PPP2R2C: variants seen among roughly 807,000 people sequenced by gnomAD.
PPP2R2C encodes protein phosphatase 2 regulatory subunit Bgamma, also known as protein phosphatase 2, regulatory subunit B, gamma.
A neutral mutation model predicts 45.3 loss-of-function variants in PPP2R2C; 10 were observed. The observed-to-expected ratio is 0.22, with a 90% CI of 0.14 to 0.37. The LOEUF is 0.37. PPP2R2C is among the 10% of genes least tolerant of loss of function. The probability of loss-of-function intolerance (pLI) is 1.00; values close to 1 mark genes in which losing one functional copy is unlikely to be tolerated. For missense variants in PPP2R2C, 308 were observed against 619.7 expected (o/e 0.50, Z 5.34); for synonymous variants, 257 against 245.4 (o/e 1.05, Z -0.44).
Position 6,471,923 on chromosome 4 carries a change from G to C in PPP2R2C, c.70+237C>G, listed in dbSNP as rs1721909228. 6.6e-6 allele frequency among the ~76,000 whole-genome samples: 1 copy of C among 151,092 alleles called. No individual in the cohort carries two copies. The highest frequency in any genetic ancestry group is 1.5e-5 in the Non-Finnish European group (1 of 67,724). ...GCCTCCCGGAGGGCGGCGCGGAGGA[G>C]GGCGCTGCCCTGTGCCGGCGCTGGG... On this transcript the variant is annotated intron_variant, in intron 1 of 8. Transcript: ENST00000382599. This position sits in a 1 kb window ranked among gnomAD's most constrained non-coding sequence, Gnocchi z 5.6.
chr4:6,561,407 G>A lies in PPP2R2C; in HGVS notation c.-59+2153C>T, dbSNP rs909457450. On this transcript the variant is annotated intron_variant, in intron 1 of 9. Transcript: ENST00000506140. ...CTTTCCCCTACTTTTTGAACACAGG[G>A]CCCTGCATTTTCATTTTGCACTGAG... Among the ~76,000 whole-genome samples, 3 of 152,012 alleles carry A rather than the reference G, an allele frequency of 2.0e-5. No homozygotes were observed. The South Asian group carries it at 6.2e-4, about 32-fold the overall frequency.
At chr4:6,400,847 T>C (rs1162967763) in intron 1 of PPP2R2C, among the ~76,000 whole-genome samples, 1 of 152,232 alleles carries the variant, frequency 6.6e-6, no homozygotes, top group Non-Finnish European at 1.5e-5. Flanking sequence ...GCTTGCTGGC[T>C]GGCTCCTCAA....
At chr4:6,500,648 G>C (rs1272765407) in intron 2 of PPP2R2C, among the ~76,000 whole-genome samples, 1 of 152,222 alleles carries the variant, frequency 6.6e-6, no homozygotes. Context: ...GGTTGTGTGT[G>C]ACCAGGAAGG....
At position 6,469,386 on chromosome 4, in the gene PPP2R2C, G is replaced by A. The variant is rs569627058; in HGVS notation, c.70+2774C>T. 2.6e-5 allele frequency among the ~76,000 whole-genome samples: 4 copies of A among 152,342 alleles called. No homozygotes were observed. In the East Asian group the frequency reaches 5.8e-4, roughly 22 times the overall value. On this transcript the variant is annotated intron_variant, in intron 1 of 8. Transcript: ENST00000382599. The stretch of plus-strand genomic sequence containing the variant: ...GGTAGATCAGAGCAGCTGGGGTGTG[G>A]TGGGGGAGTGTAGACTCAACCACAG...
At chr4:6,533,970 C>A (rs910631051) in intron 2 of PPP2R2C, among the ~76,000 whole-genome samples, 1 of 151,460 alleles carries the variant, frequency 6.6e-6, no homozygotes, top group Non-Finnish European at 1.5e-5. Context: ...CACACACACA[C>A]CCCAATACAC....
At chr4:6,482,992 G>T (rs112723674) in intron 2 of PPP2R2C, among the ~76,000 whole-genome samples, 1 of 152,088 alleles carries the variant, frequency 6.6e-6, no homozygotes. Context: ...CTATTAATAA[G>T]AATATGACTT....
intron 1 of PPP2R2C, 91 bp downstream of exon 1, chr4:6,472,069 T>G: frequency 6.6e-7 from 1 of 1,507,482 alleles, no homozygotes; most frequent in Non-Finnish European, 9.1e-7. Flanking sequence ...ACGACACACA[T>G]CGCGCGGTCC....
chr4:6,367,363 C>T (rs556879669), intron 5 of PPP2R2C, among the ~76,000 whole-genome samples: 1 of 152,196 alleles, frequency 6.6e-6, no homozygotes, highest in South Asian at 2.1e-4. Flanking sequence ...TGTCATCGGG[C>T]CGAGTGAGGA....
intron 5 of PPP2R2C, among the ~76,000 whole-genome samples, chr4:6,363,675 G>A (rs767400519): frequency 1.3e-4 from 20 of 152,164 alleles, no homozygotes; most frequent in Non-Finnish European, 2.8e-4. Context: ...GGGAAGAGAT[G>A]TGCACACCTG....
chr4:6,417,229 A>G (rs577057813), intron 1 of PPP2R2C, among the ~76,000 whole-genome samples: 2 of 152,352 alleles, frequency 1.3e-5, no homozygotes, highest in East Asian at 3.9e-4. Context: ...AGGGAGTAAG[A>G]GAAAAGGGAA....
At chr4:6,354,716 T>C (rs956060741) in intron 5 of PPP2R2C, among the ~76,000 whole-genome samples, 1 of 147,804 alleles carries the variant, frequency 6.8e-6, no homozygotes, top group African/African-American at 2.5e-5. Context: ...TTGCTTTCCT[T>C]AGGTCCAGAG....
chr4:6,448,544 G>A (rs985954141), intron 1 of PPP2R2C, among the ~76,000 whole-genome samples: 11 of 152,018 alleles, frequency 7.2e-5, no homozygotes, highest in Admixed American at 7.2e-4. Context: ...ACTGGCCGAG[G>A]GGTGAGGAGG....
At chr4:6,356,940 C>G (rs1162409409) in intron 5 of PPP2R2C, among the ~76,000 whole-genome samples, 1 of 150,174 alleles carries the variant, frequency 6.7e-6, no homozygotes, top group Non-Finnish European at 1.5e-5. Context: ...CCTCAAATCC[C>G]CCTTTCATCT....
chr4:6,417,190 C>G (rs1220762859), intron 1 of PPP2R2C, among the ~76,000 whole-genome samples: 1 of 152,186 alleles, frequency 6.6e-6, no homozygotes, highest in Non-Finnish European at 1.5e-5. Context: ...TGCCATTTAC[C>G]AGACCCCCTT....
chr4:6,353,487 C>T (rs1242251464), intron 5 of PPP2R2C, among the ~76,000 whole-genome samples: 4 of 36,262 alleles, frequency 1.1e-4, no homozygotes, highest in Non-Finnish European at 1.6e-4. Flanking sequence ...CCCCCCCACA[C>T]CAACAACCCC....
chr4:6,354,578 G>A (rs550269238), intron 5 of PPP2R2C, among the ~76,000 whole-genome samples: 1 of 152,174 alleles, frequency 6.6e-6, no homozygotes, highest in Non-Finnish European at 1.5e-5. Flanking sequence ...ATATTAGATG[G>A]GGAGACGACT....
intron 1 of PPP2R2C, among the ~76,000 whole-genome samples, chr4:6,449,304 C>T (rs1040257019): frequency 1.2e-4 from 18 of 152,248 alleles, no homozygotes; most frequent in African/African-American, 4.3e-4. Context: ...TCTGTCCCAA[C>T]AAGATGAGAC....
intron 6 of PPP2R2C, among the ~76,000 whole-genome samples, chr4:6,343,178 A>C (rs1268590823): frequency 6.6e-6 from 1 of 152,234 alleles, no homozygotes; most frequent in African/African-American, 2.4e-5. Context: ...TTGATTTCCC[A>C]TGAGAGCCAC....
At chr4:6,545,150 C>T (rs58678237) in intron 1 of PPP2R2C, among the ~76,000 whole-genome samples, 12 of 152,302 alleles carry the variant, frequency 7.9e-5, no homozygotes, top group African/African-American at 2.6e-4. Flanking sequence ...AAAGTCAGGC[C>T]TATTGCCTCC....
Sources: allele counts gnomAD v4.1 joint callset (sites outside exome capture counted in the v4.1 genomes callset), GRCh38; gene constraint gnomAD v4.1.1; non-coding constraint Gnocchi (gnomAD v3.1); transcripts MANE v1.5; gene names NCBI Gene and HGNC (gene_info 2026-07-23, HGNC 2026-07-21).